Variants in PTPRR observed in about 807,000 individuals in gnomAD.
The protein encoded by PTPRR is protein tyrosine phosphatase receptor type R.
In PTPRR, 38 loss-of-function variants were observed where a neutral mutation model predicts 77.2. The observed-to-expected ratio is 0.49, with a 90% CI of 0.38 to 0.65. PTPRR has a LOEUF of 0.65. Among genes scored for constraint, PTPRR ranks in the 30% least tolerant of loss-of-function variants. PTPRR has a pLI of 0.00. For missense variants in PTPRR, 744 were observed against 799.2 expected, an observed-to-expected ratio of 0.93 and a Z score of 0.83; for synonymous variants, 299 against 283.1, an observed-to-expected ratio of 1.06 and a Z score of -0.57.
In PTPRR at chr12:70,639,276, C is replaced by T; in HGVS notation, c.1882G>A (p.Gly628Ser). ...SIVCQLRMDR[G>S]GMVQTSEQYE... ...TGCTCACTGGTTTGCACCATTCCAC[C>T]TCTGCAAGGAAGAAATCATAAAATA... The change falls in exon 14 of 14, where the codon GGT (glycine) becomes AGT (serine). Residue 628 changes from glycine (G) to serine (S), a missense_variant and splice_region_variant. Gly to Ser is a moderately conservative substitution (Grantham distance 56). This residue lies in a region of PTPRR where 170 missense variants were observed against 209.8 expected (regional missense o/e 0.81). Coordinates refer to ENST00000283228, the MANE Select transcript of PTPRR (RefSeq NM_002849.4). 6.2e-7 allele frequency: 1 copy of T among 1,612,404 alleles called. No individual in the cohort carries two copies. Among genetic ancestry groups the T allele is most frequent in the Non-Finnish European group, 8.5e-7 (1 of 1,179,684 alleles).
At chr12:70,757,558 A>C (rs1890591434) in intron 4 of PTPRR, among the ~76,000 whole-genome samples, 1 of 152,198 alleles carries the variant, frequency 6.6e-6, no homozygotes, top group Non-Finnish European at 1.5e-5. Context: ...AATGAAAACA[A>C]ATGACTAAAC....
At chr12:70,827,627 C>A (rs954113232) in intron 2 of PTPRR, among the ~76,000 whole-genome samples, 1 of 150,236 alleles carries the variant, frequency 6.7e-6, no homozygotes, top group Non-Finnish European at 1.5e-5. Flanking sequence ...CTCACTGCAA[C>A]CTTTTTCTTC....
chr12:70,832,516 G>C (rs1313042532), intron 2 of PTPRR, among the ~76,000 whole-genome samples: 1 of 152,174 alleles, frequency 6.6e-6, no homozygotes, highest in Non-Finnish European at 1.5e-5. Flanking sequence ...TGAGTGCTTA[G>C]TGGGGAATAG....
At chr12:70,817,234 GTTAC>G (rs1349908395) in intron 2 of PTPRR, among the ~76,000 whole-genome samples, 16 of 152,226 alleles carry the variant, frequency 1.1e-4, no homozygotes, top group African/African-American at 3.6e-4. Context: ...AGTTTTAAAA[GTTAC>G]TTAAAGAGCT....
intron 2 of PTPRR, among the ~76,000 whole-genome samples, chr12:70,867,028 T>C (rs1400205548): frequency 1.3e-5 from 2 of 151,524 alleles, no homozygotes; most frequent in Non-Finnish European, 2.9e-5. Flanking sequence ...TAGGTATTGG[T>C]AGGACGTATC....
chr12:70,677,196 T>G (rs989048598), intron 10 of PTPRR, among the ~76,000 whole-genome samples: 4 of 152,152 alleles, frequency 2.6e-5, no homozygotes, highest in Admixed American at 6.5e-5. Context: ...ATGGAATTGT[T>G]TTCTTGATTT....
intron 6 of PTPRR, among the ~76,000 whole-genome samples, chr12:70,737,562 C>T (rs1262811588): frequency 6.6e-6 from 1 of 150,964 alleles, no homozygotes; most frequent in Non-Finnish European, 1.5e-5. Flanking sequence ...GCTGTTTTGC[C>T]CAGGCTGGAG....
intron 2 of PTPRR, among the ~76,000 whole-genome samples, chr12:70,794,379 C>T (rs1592761410): frequency 6.6e-6 from 1 of 152,130 alleles, no homozygotes; most frequent in East Asian, 1.9e-4. Flanking sequence ...GACTAAAGAA[C>T]TTCTTGGAAT....
At chr12:70,830,487 G>A (rs1056586133) in intron 2 of PTPRR, among the ~76,000 whole-genome samples, 9 of 152,230 alleles carry the variant, frequency 5.9e-5, no homozygotes, top group African/African-American at 2.2e-4. Flanking sequence ...AATGACAAAT[G>A]TCAATCCACT....
chr12:70,674,801 G>T (rs559348083), intron 10 of PTPRR, among the ~76,000 whole-genome samples: 1 of 151,900 alleles, frequency 6.6e-6, no homozygotes, highest in Non-Finnish European at 1.5e-5. Context: ...TTTTTTGTCT[G>T]CTTAATAAAT....
In PTPRR at chr12:70,736,075, T is replaced by C. The variant is rs138815027; in HGVS notation, c.1007+9743A>G. On this transcript the variant is annotated intron_variant, in intron 6 of 13. Transcript: ENST00000283228. ...TTGAGTATTCTGAATTATTGCCTTA[T>C]AGCCCCCTCACTTTGGCTTCTTTGC... 2.4e-3 allele frequency among the ~76,000 whole-genome samples: 371 copies of C among 152,312 alleles called. 3 individuals carry two copies. Among genetic ancestry groups the C allele is most frequent in the African/African-American group, 8.5e-3 (352 of 41,576 alleles).
Position 70,746,105 on chromosome 12 carries a change from A to G in PTPRR, c.739-19T>C. 1 of 1,596,584 alleles carries G rather than the reference A, an allele frequency of 6.3e-7. No individual in the cohort carries two copies. The highest frequency in any genetic ancestry group is 1.1e-5 in the South Asian group (1 of 89,152). ...AAAGAATCTATAGAAGGAGATATAA[A>G]AAACTCCTGTCACATTTTCTCACAC... On this transcript the variant is annotated intron_variant, in intron 5 of 13. Transcript: ENST00000283228.
chr12:70,737,317 T>G (rs563565435), intron 6 of PTPRR, among the ~76,000 whole-genome samples: 2 of 152,108 alleles, frequency 1.3e-5, no homozygotes, highest in East Asian at 3.9e-4. Flanking sequence ...CCTAATAAGC[T>G]TCCCCTGAGA....
At chr12:70,899,280 T>C (rs1360434717) in intron 1 of PTPRR, among the ~76,000 whole-genome samples, 1 of 151,200 alleles carries the variant, frequency 6.6e-6, no homozygotes, top group African/African-American at 2.4e-5. Context: ...AAAAACACTA[T>C]AGACCAATAT....
intron 2 of PTPRR, among the ~76,000 whole-genome samples, chr12:70,791,835 T>G (rs570703474): frequency 6.6e-6 from 1 of 152,306 alleles, no homozygotes; most frequent in African/African-American, 2.4e-5. Context: ...GTTGAGCTGA[T>G]TTCAGATATT....
At chr12:70,847,320 C>T (rs1476569314) in intron 2 of PTPRR, among the ~76,000 whole-genome samples, 1 of 152,124 alleles carries the variant, frequency 6.6e-6, no homozygotes, top group Admixed American at 6.6e-5. Context: ...TATCGATGCA[C>T]AAAATTTATG....
At chr12:70,847,501 GT>G (rs1231548804) in intron 2 of PTPRR, among the ~76,000 whole-genome samples, 1 of 152,098 alleles carries the variant, frequency 6.6e-6, no homozygotes, top group African/African-American at 2.4e-5. Context: ...AAAATATGAG[GT>G]TTTGGGGCTG....
At chr12:70,723,108 G>A (rs1052628977) in intron 6 of PTPRR, among the ~76,000 whole-genome samples, 1 of 152,118 alleles carries the variant, frequency 6.6e-6, no homozygotes, top group African/African-American at 2.4e-5. Flanking sequence ...AAATATGATG[G>A]GTGGAGCATG....
At chr12:70,788,595 T>C (rs1891369372) in intron 2 of PTPRR, among the ~76,000 whole-genome samples, 1 of 152,218 alleles carries the variant, frequency 6.6e-6, no homozygotes, top group Non-Finnish European at 1.5e-5. Context: ...ATGATTATGG[T>C]AGATATTTAC....
Sources: gnomAD v4.1 joint callset for allele counts (sites outside exome capture counted in the v4.1 genomes callset) on GRCh38, gnomAD v4.1.1 for gene constraint, gnomAD v4.1.1 regional missense constraint, MANE v1.5 for transcripts, NCBI Gene and HGNC (gene_info 2026-07-23, HGNC 2026-07-21) for gene names.